Variants in PRSS37 observed in about 807,000 individuals in gnomAD.
The protein encoded by PRSS37 is probable inactive serine protease 37.
Under a neutral mutation model 28.0 loss-of-function variants are expected in PRSS37, and 25 were observed. That is an observed-to-expected ratio of 0.89 (90% CI 0.65 to 1.25). The LOEUF (loss-of-function observed/expected upper bound fraction) is 1.25. Ranked by LOEUF, PRSS37 falls within the 50% of genes most tolerant of loss-of-function variation. The pLI is 0.00. For missense variants in PRSS37, 282 were observed against 292.2 expected, an observed-to-expected ratio of 0.97 and a Z score of 0.25; for synonymous variants, 109 against 107.8, an observed-to-expected ratio of 1.01 and a Z score of -0.07.
Position 141,836,469 on chromosome 7 carries a change from C to G in PRSS37, c.634G>C (p.Gly212Arg). Residue 212 changes from glycine to arginine, a missense_variant, in exon 5 of 5, where the codon GGA (glycine) becomes CGA (arginine). By Grantham distance (125) the Gly-to-Arg change is moderately radical. Transcript: ENST00000350549. ...TTGGTGTAGATGCCGACGTCCCCTC[C>G]CATGAAGTGCCCCACCTCGATTCCC... ...LQGIEVGHFM[G>R]GDVGIYTNVY... 1.9e-6 allele frequency: 3 copies of G among 1,610,920 alleles called. No individual in the cohort carries two copies. Among genetic ancestry groups the G allele is most frequent in the Middle Eastern group, 1.7e-4 (1 of 6,050 alleles).
intron 2 of PRSS37, chr7:141,838,419 G>A (rs751988336): frequency 3.2e-4 from 398 of 1,236,564 alleles, no homozygotes; most frequent in Non-Finnish European, 3.8e-4. Context: ...TAATTTTCTC[G>A]CCTATCTAAC....
intron 3 of PRSS37, 49 bp downstream of exon 3, chr7:141,837,811 T>C (rs1328196135): frequency 6.3e-7 from 1 of 1,583,162 alleles, no homozygotes; most frequent in Non-Finnish European, 8.6e-7. Context: ...TGGATGTTCC[T>C]CCTAAAGGAC....
rs1310287187 is a variant in PRSS37 at position 141,839,395 on chromosome 7, C to T, written c.119G>A (p.Cys40Tyr). 1.2e-6 allele frequency: 2 copies of T among 1,613,870 alleles called. No individual in the cohort carries two copies. The highest frequency in any genetic ancestry group is 2.2e-5 in the East Asian group (1 of 44,886). ...GCTGGGTTTGATGAGGACGCCCACACAGGGGTTGAAGTGAGACTTGAGGTA... is the reference window on the plus strand; with the variant it reads ...GCTGGGTTTGATGAGGACGCCCACATAGGGGTTGAAGTGAGACTTGAGGTA... The part of the protein sequence containing the change: ...LVYLKSHFNP[C>Y]VGVLIKPSWV... Residue 40 changes from cysteine to tyrosine, a missense_variant, in exon 2 of 5, where the codon TGT (cysteine) becomes TAT (tyrosine). Physicochemically the swap from Cys to Tyr is radical, Grantham distance 194 (BLOSUM62 -2). Transcript: ENST00000350549.
intron 4 of PRSS37, among the ~76,000 whole-genome samples, 189 bp downstream of exon 4, chr7:141,836,923 A>G (rs1800977902): frequency 6.6e-6 from 1 of 152,226 alleles, no homozygotes; most frequent in Admixed American, 6.5e-5. Flanking sequence ...GAAGTACTTT[A>G]TAATGTCCTT....
chr7:141,837,888 TGAGAGTA>T lies in PRSS37; in HGVS notation c.395_401del (p.Leu132GlnfsTer24). Reference sequence around the variant, plus strand: ...TGTTTTCTTGGCTCCAGTCCAAACCTGAGAGTAGACAGACAGTGCCTGGCCTGACATT... The same window carrying T: ...TGTTTTCTTGGCTCCAGTCCAAACCTGACAGACAGTGCCTGGCCTGACATT... On this transcript the variant is annotated frameshift_variant, in exon 3 of 5. Transcript: ENST00000350549. LOFTEE classifies it high-confidence loss of function. 1.2e-6 allele frequency: 2 copies of T among 1,613,466 alleles called. No homozygotes were observed. The highest frequency in any genetic ancestry group is 1.7e-6 in the Non-Finnish European group (2 of 1,179,528).
intron 2 of PRSS37, chr7:141,838,817 T>G (rs1441536373): frequency 5.8e-6 from 2 of 347,162 alleles, no homozygotes; most frequent in East Asian, 1.5e-4. Context: ...CTTGCCTTTT[T>G]AGGCCTAGAG....
At chr7:141,837,613 CAG>C (rs1801004937) in intron 3 of PRSS37, 1 of 1,513,086 alleles carries the variant, frequency 6.6e-7, no homozygotes, top group Non-Finnish European at 8.8e-7. Context: ...GGCCTCTGTG[CAG>C]AGTCAGATGG....
chr7:141,839,617 C>A, intron 1 of PRSS37, 138 bp from the exon 2 acceptor site: 1 of 601,932 alleles, frequency 1.7e-6, no homozygotes, highest in Non-Finnish European at 2.8e-6. Flanking sequence ...ACATGTTTTT[C>A]TAATAAAAAT....
chr7:141,841,268 A>T lies in PRSS37; in HGVS notation c.-219T>A, dbSNP rs1389924764. 2 of 1,046,354 alleles carry T rather than the reference A, an allele frequency of 1.9e-6. No homozygotes were observed. Among genetic ancestry groups the T allele is most frequent in the Non-Finnish European group, 2.6e-6 (2 of 766,732 alleles). 64.8% of individuals were successfully genotyped at this position (1,046,354 alleles called of 1,614,324 possible). The stretch of plus-strand genomic sequence containing the variant: ...CCCTCTGTTCCAGGGAAGGTGGAGG[A>T]CTGTGCCTCTGTTGGGGCATTTCAG... On this transcript the variant is annotated 5_prime_UTR_variant, in exon 1 of 5. Coordinates refer to ENST00000350549, the MANE Select transcript of PRSS37 (RefSeq NM_001008270.3).
At position 141,837,410 on chromosome 7, in the gene PRSS37, A is replaced by G. The variant is rs141367811; in HGVS notation, c.431-162T>C. Among the ~76,000 whole-genome samples, 17 of 152,330 alleles carry G rather than the reference A, an allele frequency of 1.1e-4. No homozygotes were observed. The East Asian group carries it at 3.3e-3, about 29-fold the overall frequency. On this transcript the variant is annotated intron_variant, in intron 3 of 4. Transcript: ENST00000350549. The stretch of plus-strand genomic sequence containing the variant: ...TCATCAAGAGTGTGGTTATGAGCTA[A>G]TCTTGAGGATTTTGAAAAAGGCTTT...
At chr7:141,840,822 A>G (rs1282972533) in intron 1 of PRSS37, among the ~76,000 whole-genome samples, 194 bp downstream of exon 1, 1 of 152,158 alleles carries the variant, frequency 6.6e-6, no homozygotes, top group Admixed American at 6.5e-5. Context: ...AACCCACCCT[A>G]TAGCTTAACA....
Position 141,841,068 on chromosome 7 carries a change from C to G in PRSS37, c.-19G>C, listed in dbSNP as rs73525255. 6.2e-7 allele frequency: 1 copy of G among 1,613,458 alleles called. No individual in the cohort carries two copies. Among genetic ancestry groups the G allele is most frequent in the Non-Finnish European group, 8.5e-7 (1 of 1,179,510 alleles). On this transcript the variant is annotated 5_prime_UTR_variant, in exon 1 of 5. Transcript: ENST00000350549. ...ATTTCATGGTGATCCAGCTCTTCCC[C>G]CTGTGAGATGTAGAAGAAAATCAGC...
chr7:141,839,692 T>C (rs1389262975), intron 1 of PRSS37, among the ~76,000 whole-genome samples: 2 of 152,140 alleles, frequency 1.3e-5, no homozygotes, highest in African/African-American at 4.8e-5. Flanking sequence ...ATTGATAATA[T>C]TCAATCTAAG....
intron 2 of PRSS37, chr7:141,838,962 A>T (rs1341131501): frequency 2.2e-6 from 1 of 464,142 alleles, no homozygotes; most frequent in Admixed American, 2.3e-5. Flanking sequence ...TGAGTGCATC[A>T]TCAGTTACCT....
rs1800950975 is a variant in PRSS37, at chr7:141,836,358, G to C, written c.*37C>G. ...AAAATTATCTGCTTGTATAGTCCAT[G>C]GCAGAGCCAGTGGAATGCAGAGGGA... On this transcript the variant is annotated 3_prime_UTR_variant, in exon 5 of 5. Transcript: ENST00000350549. 6.2e-7 allele frequency: 1 copy of C among 1,606,340 alleles called. No homozygotes were observed. The highest frequency in any genetic ancestry group is 8.5e-7 in the Non-Finnish European group (1 of 1,173,650).
intron 1 of PRSS37, 110 bp from the exon 2 acceptor site, chr7:141,839,589 G>A (rs1801091556): frequency 3.7e-6 from 3 of 813,348 alleles, no homozygotes; most frequent in Non-Finnish European, 5.8e-6. Context: ...AGTTGGCCAA[G>A]AAGTGTTAAC....
Position 141,841,071 on chromosome 7 carries a change from G to C in PRSS37, c.-22C>G. The C allele has an allele frequency of 6.2e-7, 1 of 1,613,362 alleles. No homozygotes were observed. The highest frequency in any genetic ancestry group is 1.7e-5 in the Admixed American group (1 of 60,002). On this transcript the variant is annotated 5_prime_UTR_variant, in exon 1 of 5. Coordinates refer to ENST00000350549, the MANE Select transcript of PRSS37 (RefSeq NM_001008270.3). ...TCATGGTGATCCAGCTCTTCCCCCT[G>C]TGAGATGTAGAAGAAAATCAGCAGA... is the stretch of plus-strand genomic sequence containing the variant.
In PRSS37 at chr7:141,836,445, T is replaced by A; in HGVS notation, c.658A>T (p.Asn220Tyr). ...ATCCAGGATACATATTTGTAAACATTGGTGTAGATGCCGACGTCCCCTCCC... is the reference window on the plus strand; with the variant it reads ...ATCCAGGATACATATTTGTAAACATAGGTGTAGATGCCGACGTCCCCTCCC... ...FMGGDVGIYT[N>Y]VYKYVSWIEN... Residue 220 changes from asparagine (N) to tyrosine (Y), a missense_variant, in exon 5 of 5, where the codon AAT becomes TAT. By Grantham distance (143) the Asn-to-Tyr change is moderately radical (BLOSUM62 -2). Coordinates refer to ENST00000350549, the MANE Select transcript of PRSS37 (RefSeq NM_001008270.3). 1 of 1,614,096 alleles carries A rather than the reference T, an allele frequency of 6.2e-7. No individual in the cohort carries two copies. The highest frequency in any genetic ancestry group is 1.6e-4 in the Middle Eastern group (1 of 6,062).
intron 1 of PRSS37, 82 bp downstream of exon 1, chr7:141,840,934 A>G: frequency 7.2e-7 from 1 of 1,392,678 alleles, no homozygotes; most frequent in South Asian, 1.2e-5. Context: ...CTTTTTCTGC[A>G]CCCTTCGCAA....
Sources: gnomAD v4.1 joint callset for allele counts (sites outside exome capture counted in the v4.1 genomes callset) on GRCh38, gnomAD v4.1.1 for gene constraint, MANE v1.5 for transcripts, NCBI Gene and HGNC (gene_info 2026-07-23, HGNC 2026-07-21) for gene names.